The following ZFPM2 variants were observed in gnomAD, a reference collection of about 807,000 sequenced individuals.
ZFPM2 encodes the protein zinc finger protein ZFPM2.
In ZFPM2, 20 loss-of-function variants were observed where a neutral mutation model predicts 98.6. The ratio of observed to expected loss-of-function variants is 0.20; its 90% confidence interval spans 0.14 to 0.29. ZFPM2 has a LOEUF of 0.29. ZFPM2 is among the 10% of genes least tolerant of loss of function. ZFPM2 has a pLI of 1.00. For missense variants in ZFPM2, 1,310 were observed against 1,388.6 expected (o/e 0.94, Z 0.90); for synonymous variants, 518 against 502.7 (o/e 1.03, Z -0.41).
chr8:105,704,310 T>G (rs1811208050), intron 5 of ZFPM2, among the ~76,000 whole-genome samples: 1 of 152,226 alleles, frequency 6.6e-6, no homozygotes, highest in African/African-American at 2.4e-5. Flanking sequence ...CTATCTGTTC[T>G]AAATCCTGAA....
chr8:105,580,930 G>A (rs189721184), intron 4 of ZFPM2, among the ~76,000 whole-genome samples: 99 of 150,898 alleles, frequency 6.6e-4, no homozygotes, highest in Middle Eastern at 3.4e-3. Context: ...GTTGTGTCAT[G>A]GTGAAAATTA....
intron 1 of ZFPM2, among the ~76,000 whole-genome samples, chr8:105,337,752 G>GTT (rs5893739): frequency 0.011 from 1,582 of 148,894 alleles, 26 homozygotes; most frequent in African/African-American, 0.036. Flanking sequence ...CATAGTTCAT[G>GTT]TTTTTTTTTT....
chr8:105,757,042 C>T (rs1037870919), intron 5 of ZFPM2, among the ~76,000 whole-genome samples: 13 of 152,078 alleles, frequency 8.5e-5, no homozygotes. Flanking sequence ...TTTTCACTAC[C>T]CAGTATATTT....
chr8:105,403,710 G>C (rs1343392467), intron 1 of ZFPM2, among the ~76,000 whole-genome samples: 2 of 151,812 alleles, frequency 1.3e-5, no homozygotes, highest in Non-Finnish European at 2.9e-5. Flanking sequence ...CTAAAGCAGA[G>C]GATTAATGGA....
chr8:105,673,961 T>G (rs1817643461), intron 5 of ZFPM2, among the ~76,000 whole-genome samples: 1 of 152,188 alleles, frequency 6.6e-6, no homozygotes, highest in East Asian at 1.9e-4. Flanking sequence ...CTATGAGAAT[T>G]TGATCAGATA....
intron 2 of ZFPM2, among the ~76,000 whole-genome samples, chr8:105,435,907 C>CA: frequency 6.6e-6 from 1 of 151,964 alleles, no homozygotes; most frequent in Non-Finnish European, 1.5e-5. Flanking sequence ...TGAATTATGT[C>CA]AAAACATTAC....
intron 5 of ZFPM2, among the ~76,000 whole-genome samples, chr8:105,730,516 C>T (rs1348231451): frequency 6.6e-6 from 1 of 151,698 alleles, no homozygotes; most frequent in East Asian, 2.0e-4. Flanking sequence ...ACTCTGAGCT[C>T]TTTGCTCCAG....
At chr8:105,607,235 C>A (rs1267179896) in intron 4 of ZFPM2, among the ~76,000 whole-genome samples, 1 of 152,118 alleles carries the variant, frequency 6.6e-6, no homozygotes. Context: ...TAAAATTCCT[C>A]CTTCCTTCCA....
intron 5 of ZFPM2, among the ~76,000 whole-genome samples, chr8:105,636,037 T>C (rs1268128710): frequency 1.3e-5 from 2 of 152,158 alleles, no homozygotes; most frequent in Non-Finnish European, 2.9e-5. Context: ...AACCTAATGG[T>C]AATTCTATAC....
intron 1 of ZFPM2, among the ~76,000 whole-genome samples, chr8:105,406,030 G>A (rs1811449891): frequency 6.6e-6 from 1 of 152,158 alleles, no homozygotes; most frequent in Admixed American, 6.5e-5. Flanking sequence ...CTGATGGCCA[G>A]TGATGGTGAG....
intron 5 of ZFPM2, among the ~76,000 whole-genome samples, chr8:105,724,437 T>C (rs1266093848): frequency 6.6e-6 from 1 of 151,830 alleles, no homozygotes; most frequent in Non-Finnish European, 1.5e-5. Flanking sequence ...ATGGGTTCCA[T>C]GGTGTTGTTC....
intron 5 of ZFPM2, among the ~76,000 whole-genome samples, chr8:105,679,796 T>TAAAA (rs34883451): frequency 7.5e-6 from 1 of 132,912 alleles, no homozygotes; most frequent in African/African-American, 2.8e-5. Flanking sequence ...GACTCTGTCT[T>TAAAA]AAAAAAAAAA....
At chr8:105,799,814 A>T (rs1410296910) in intron 7 of ZFPM2, among the ~76,000 whole-genome samples, 1 of 152,180 alleles carries the variant, frequency 6.6e-6, no homozygotes, top group Non-Finnish European at 1.5e-5. Context: ...TGACTTTCTT[A>T]GTGGTCTTTG....
intron 1 of ZFPM2, among the ~76,000 whole-genome samples, chr8:105,342,822 T>A (rs1026161521): frequency 6.6e-6 from 1 of 152,102 alleles, no homozygotes; most frequent in Non-Finnish European, 1.5e-5. Flanking sequence ...TTTCTGGATA[T>A]GAAAATAGCA....
intron 1 of ZFPM2, among the ~76,000 whole-genome samples, chr8:105,323,613 T>C (rs949696894): frequency 3.9e-5 from 6 of 151,932 alleles, no homozygotes; most frequent in African/African-American, 1.4e-4. Context: ...TATCAATGCA[T>C]AGATTTTTTC....
At chr8:105,432,202 T>C (rs1812034806) in intron 2 of ZFPM2, among the ~76,000 whole-genome samples, 1 of 152,088 alleles carries the variant, frequency 6.6e-6, no homozygotes, top group South Asian at 2.1e-4. Context: ...AATCTGAGCT[T>C]TCCATAAGCC....
chr8:105,441,110 G>A (rs1303074436), intron 2 of ZFPM2, among the ~76,000 whole-genome samples: 2 of 151,892 alleles, frequency 1.3e-5, no homozygotes, highest in African/African-American at 4.8e-5. Context: ...AGCCGAGATC[G>A]CACCACTGCA....
chr8:105,639,205 A>G (rs1022130274), intron 5 of ZFPM2, among the ~76,000 whole-genome samples: 2 of 152,060 alleles, frequency 1.3e-5, no homozygotes, highest in Admixed American at 6.6e-5. Context: ...CTTATATGCT[A>G]TCTACCGTTT....
At chr8:105,441,117 T>G (rs1285010634) in intron 2 of ZFPM2, among the ~76,000 whole-genome samples, 1 of 152,016 alleles carries the variant, frequency 6.6e-6, no homozygotes, top group African/African-American at 2.4e-5. Flanking sequence ...ATCGCACCAC[T>G]GCACTCCAGC....
Sources: allele counts gnomAD v4.1 joint callset (sites outside exome capture counted in the v4.1 genomes callset), GRCh38; gene constraint gnomAD v4.1.1; transcripts MANE v1.5; gene names NCBI Gene and HGNC (gene_info 2026-07-23, HGNC 2026-07-21).